Variants in ASIC2 observed in about 807,000 individuals in gnomAD.
ASIC2 encodes the protein acid sensing ion channel subunit 2.
Under a neutral mutation model 57.3 loss-of-function variants are expected in ASIC2, and 25 were observed. The observed-to-expected ratio is 0.44, with a 90% CI of 0.32 to 0.61. The LOEUF is 0.61. Ranked by LOEUF, ASIC2 falls within the 20% of genes least tolerant of loss-of-function variation. The pLI is 0.06. For synonymous variants in ASIC2, 319 were observed against 307.5 expected, an observed-to-expected ratio of 1.04 and a Z score of -0.39; for missense variants, 641 against 738.1, an observed-to-expected ratio of 0.87 and a Z score of 1.52.
rs970801143 is a variant in ASIC2 at position 33,251,387 on chromosome 17, T to A, written c.708+40021A>T. Among the ~76,000 whole-genome samples the A allele has an allele frequency of 4.6e-5, 7 of 152,282 alleles. No homozygotes were observed. In the South Asian group the frequency reaches 1.5e-3, roughly 32 times the overall value. On this transcript the variant is annotated intron_variant, in intron 1 of 9. Transcript: ENST00000225823. Reference sequence around the variant, plus strand: ...TACTGTCACATAGGCTGGAGTGCAGTGGCACAATCATAGCTCACTGCAACC... The same window carrying A: ...TACTGTCACATAGGCTGGAGTGCAGAGGCACAATCATAGCTCACTGCAACC...
chr17:33,541,247 C>A lies in ASIC2; in HGVS notation c.556-429180G>T, dbSNP rs528403038. The A allele has an allele frequency of 4.6e-5, 7 of 152,292 alleles. No individual in the cohort carries two copies. In the East Asian group the frequency reaches 1.2e-3, roughly 25 times the overall value. 9.4% of individuals were successfully genotyped at this position (152,292 alleles called of 1,614,324 possible). ...TCTACTTCTAGGATTTAAGATTTGACTGAGTCTCTCTCTCTCTCTTAAATT... is the reference window on the plus strand; with the variant it reads ...TCTACTTCTAGGATTTAAGATTTGAATGAGTCTCTCTCTCTCTCTTAAATT... On this transcript the variant is annotated intron_variant, in intron 1 of 9. Transcript: ENST00000359872.
rs573410899 is a variant in ASIC2 at position 33,448,507 on chromosome 17, G to A, written c.556-336440C>T. Among the ~76,000 whole-genome samples the A allele has an allele frequency of 5.3e-5, 8 of 152,322 alleles. No homozygotes were observed. In the South Asian group the frequency reaches 8.3e-4, roughly 16 times the overall value. On this transcript the variant is annotated intron_variant, in intron 1 of 9. Transcript: ENST00000359872. ...TAAGAGAGAGGCAGAGGGAGATTAC[G>A]CACTCAGAGGAGAGGACAATGTGAG... is the stretch of plus-strand genomic sequence containing the variant.
intron 1 of ASIC2, among the ~76,000 whole-genome samples, chr17:33,829,560 G>A (rs147950863): frequency 6.6e-5 from 10 of 151,708 alleles, no homozygotes; most frequent in Admixed American, 5.3e-4. Context: ...TCCAAGGCAG[G>A]ACATTATGTT....
At position 33,122,933 on chromosome 17, in the gene ASIC2, C is replaced by T. The variant is rs183787754; in HGVS notation, c.709-10866G>A. 5.3e-3 allele frequency among the ~76,000 whole-genome samples: 802 copies of T among 152,072 alleles called. 7 individuals are homozygous for T. Among genetic ancestry groups the T allele is most frequent in the African/African-American group, 0.019 (777 of 41,446 alleles). On this transcript the variant is annotated intron_variant, in intron 1 of 9. Transcript: ENST00000225823. ...ATCGGAGACATGCAAATTAAAGCCA[C>T]AAGGAGATATCACCTCTCATCTGTT...
intron 1 of ASIC2, among the ~76,000 whole-genome samples, chr17:33,114,876 T>G (rs1340217293): frequency 6.6e-6 from 1 of 152,256 alleles, no homozygotes; most frequent in Non-Finnish European, 1.5e-5. Context: ...CTCTCAGTTT[T>G]TCCACTTACA....
At chr17:33,195,796 A>T (rs78102693) in intron 1 of ASIC2, among the ~76,000 whole-genome samples, 8,398 of 152,226 alleles carry the variant, frequency 0.055, 372 homozygotes, top group East Asian at 0.19. Flanking sequence ...CTGATCCTTC[A>T]TTCTACCTCC....
chr17:34,047,028 A>C (rs1250079698), intron 1 of ASIC2, among the ~76,000 whole-genome samples: 1 of 152,208 alleles, frequency 6.6e-6, no homozygotes, highest in Non-Finnish European at 1.5e-5. Flanking sequence ...TTGAGGACAT[A>C]CTATTCCCAT....
At chr17:34,038,882 T>C (rs574961845) in intron 1 of ASIC2, 6 of 1,612,548 alleles carry the variant, frequency 3.7e-6, no homozygotes, top group South Asian at 1.1e-5. Flanking sequence ...CTCTTCCCTC[T>C]GTGAATTTAT....
chr17:33,264,075 CACA>C, intron 1 of ASIC2, among the ~76,000 whole-genome samples: 1 of 152,334 alleles, frequency 6.6e-6, no homozygotes, highest in Non-Finnish European at 1.5e-5. Context: ...AAGCCCACCT[CACA>C]ACGTTATCGT....
intron 2 of ASIC2, among the ~76,000 whole-genome samples, chr17:33,094,116 C>T (rs1302082699): frequency 2.6e-5 from 4 of 152,142 alleles, no homozygotes; most frequent in African/African-American, 7.2e-5. Flanking sequence ...GCTTCTCCAC[C>T]CTGCTCTCTG....
At chr17:33,986,207 G>A (rs1313057632) in intron 1 of ASIC2, among the ~76,000 whole-genome samples, 1 of 150,774 alleles carries the variant, frequency 6.6e-6, no homozygotes. Context: ...CAGGAATCTG[G>A]TTTTTTTTCC....
At chr17:33,925,221 T>TA (rs1221296788) in intron 1 of ASIC2, among the ~76,000 whole-genome samples, 2 of 152,228 alleles carry the variant, frequency 1.3e-5, no homozygotes, top group African/African-American at 4.8e-5. Context: ...TTCTCATCTG[T>TA]AAGAGGGAGG....
intron 1 of ASIC2, among the ~76,000 whole-genome samples, chr17:33,855,063 G>A (rs186406248): frequency 1.1e-4 from 17 of 152,206 alleles, no homozygotes; most frequent in Admixed American, 5.2e-4. Flanking sequence ...AGGGCATGCC[G>A]GCAGCAGAAA....
At chr17:34,082,779 G>A (rs915128415) in intron 1 of ASIC2, among the ~76,000 whole-genome samples, 18 of 152,204 alleles carry the variant, frequency 1.2e-4, no homozygotes, top group African/African-American at 3.9e-4. Context: ...TTAAGTTGAG[G>A]CTTAGAAAAT....
intron 1 of ASIC2, among the ~76,000 whole-genome samples, chr17:33,325,448 A>C (rs1907037052): frequency 6.6e-6 from 1 of 152,176 alleles, no homozygotes; most frequent in Admixed American, 6.5e-5. Context: ...TTGAGGCAGA[A>C]AGGACAATGG....
chr17:33,896,055 A>G (rs1357493836), intron 1 of ASIC2, among the ~76,000 whole-genome samples: 1 of 152,230 alleles, frequency 6.6e-6, no homozygotes, highest in African/African-American at 2.4e-5. Context: ...AGTAGAAACA[A>G]TGTTTTCCAA....
At chr17:33,304,002 C>G (rs1906068864) in intron 1 of ASIC2, among the ~76,000 whole-genome samples, 1 of 152,036 alleles carries the variant, frequency 6.6e-6, no homozygotes, top group African/African-American at 2.4e-5. Flanking sequence ...AACCTCAAAG[C>G]AAAGTAAAAG....
At chr17:33,949,169 C>T (rs1904479294) in intron 1 of ASIC2, among the ~76,000 whole-genome samples, 1 of 152,062 alleles carries the variant, frequency 6.6e-6, no homozygotes, top group South Asian at 2.1e-4. Flanking sequence ...GTTTCACTAA[C>T]TTGACTTGTG....
At chr17:34,011,914 C>T (rs1024780124) in intron 1 of ASIC2, among the ~76,000 whole-genome samples, 23 of 152,332 alleles carry the variant, frequency 1.5e-4, no homozygotes, top group Admixed American at 8.5e-4. Flanking sequence ...CCCTCATGGA[C>T]ACCTGTGCCT....
Sources: gnomAD v4.1 joint callset for allele counts (sites outside exome capture counted in the v4.1 genomes callset) on GRCh38, gnomAD v4.1.1 for gene constraint, MANE v1.5 for transcripts, NCBI Gene and HGNC (gene_info 2026-07-23, HGNC 2026-07-21) for gene names.